CBFA2T3: variants seen among roughly 807,000 people sequenced by gnomAD.
The protein encoded by CBFA2T3 is CBFA2/RUNX1 partner transcriptional co-repressor 3.
A neutral mutation model predicts 58.6 loss-of-function variants in CBFA2T3; 31 were observed. The ratio of observed to expected loss-of-function variants is 0.53; its 90% CI spans 0.40 to 0.71. The LOEUF is 0.71. CBFA2T3 is among the 30% of genes least tolerant of loss of function. The probability of loss-of-function intolerance (pLI) is 0.00; values close to 1 mark genes in which losing one functional copy is unlikely to be tolerated. For missense variants in CBFA2T3, 1,076 were observed against 963.1 expected (o/e 1.12, Z -1.55); for synonymous variants, 531 against 421.9 (o/e 1.26, Z -3.17).
In CBFA2T3 at chr16:88,875,122, C is replaced by G. The variant is rs1968781468; in HGVS notation, c.*1854G>C. On this transcript the variant is annotated 3_prime_UTR_variant, in exon 12 of 12. Coordinates refer to ENST00000268679, the MANE Select transcript of CBFA2T3 (RefSeq NM_005187.6). ...CAGGCCACGGGCCACGCCACACACACAGATGCCAGGCCACGGGCCACGCCA... is the reference window on the plus strand; with the variant it reads ...CAGGCCACGGGCCACGCCACACACAGAGATGCCAGGCCACGGGCCACGCCA... The G allele has an allele frequency of 8.5e-6, 2 of 235,348 alleles. No homozygotes were observed. The highest frequency in any genetic ancestry group is 2.2e-5 in the African/African-American group (1 of 44,844). The allele number at this position is 235,348 out of a possible 1,614,324, so 14.6% of individuals were successfully genotyped here.
At chr16:88,878,810 G>A (rs1968942118) in intron 11 of CBFA2T3, among the ~76,000 whole-genome samples, 2 of 152,240 alleles carry the variant, frequency 1.3e-5, no homozygotes, top group Admixed American at 1.3e-4. Flanking sequence ...GCCAGGTGTG[G>A]TGGCGGGCGC....
intron 1 of CBFA2T3, among the ~76,000 whole-genome samples, chr16:88,963,326 T>C (rs888770935): frequency 2.0e-5 from 3 of 147,292 alleles, no homozygotes; most frequent in African/African-American, 7.4e-5. Flanking sequence ...CGGGCGCTCA[T>C]CTTCTGCCAG....
intron 1 of CBFA2T3, among the ~76,000 whole-genome samples, chr16:88,935,097 T>C (rs1189591034): frequency 1.3e-5 from 2 of 152,204 alleles, no homozygotes; most frequent in African/African-American, 2.4e-5. Flanking sequence ...CAAGCCTCCA[T>C]CAGGCACAGG....
chr16:88,918,053 G>A (rs749992602), intron 1 of CBFA2T3, among the ~76,000 whole-genome samples: 2 of 152,102 alleles, frequency 1.3e-5, no homozygotes, highest in African/African-American at 4.8e-5. Flanking sequence ...GGGGCTTCCC[G>A]CCACGTCCTG....
At chr16:88,947,900 C>T (rs998921862) in intron 1 of CBFA2T3, among the ~76,000 whole-genome samples, 3 of 152,090 alleles carry the variant, frequency 2.0e-5, no homozygotes, top group South Asian at 2.1e-4. Context: ...GGTGATGGAA[C>T]GAGACCCTGT....
chr16:88,973,724 T>C (rs958965113), intron 1 of CBFA2T3, among the ~76,000 whole-genome samples: 10 of 152,070 alleles, frequency 6.6e-5, no homozygotes, highest in Admixed American at 5.9e-4. Context: ...GAGTGAGTGG[T>C]GGCAAAGCCC....
At chr16:88,877,464 C>A (rs2142521914) in intron 11 of CBFA2T3, among the ~76,000 whole-genome samples, 189 bp from the exon 12 acceptor site, 1 of 152,338 alleles carries the variant, frequency 6.6e-6, no homozygotes, top group East Asian at 1.9e-4. Context: ...GGGACGGCAT[C>A]CCACTACCGT....
intron 1 of CBFA2T3, among the ~76,000 whole-genome samples, chr16:88,915,717 G>GAGGGGGAGCGTGGA (rs1465762415): frequency 1.8e-5 from 2 of 110,906 alleles, no homozygotes; most frequent in South Asian, 3.9e-4. Context: ...GGGGAGCGTG[G>GAGGGGGAGCGTGGA]AGGGGGAGCG....
At chr16:88,918,739 C>T (rs1345841597) in intron 1 of CBFA2T3, among the ~76,000 whole-genome samples, 1 of 152,236 alleles carries the variant, frequency 6.6e-6, no homozygotes, top group East Asian at 1.9e-4. Context: ...CCCAGAAGTT[C>T]CATGGCAGGT....
chr16:88,973,813 C>T (rs1040369996), intron 1 of CBFA2T3, among the ~76,000 whole-genome samples: 1 of 149,654 alleles, frequency 6.7e-6, no homozygotes. Flanking sequence ...CAGGTGGGCT[C>T]CAGCCAGGGC....
intron 1 of CBFA2T3, among the ~76,000 whole-genome samples, chr16:88,967,640 G>A (rs1972548207): frequency 6.6e-6 from 1 of 152,000 alleles, no homozygotes; most frequent in Non-Finnish European, 1.5e-5. Context: ...GAAGAGGGAA[G>A]GAAGGAGCAG....
intron 1 of CBFA2T3, among the ~76,000 whole-genome samples, chr16:88,925,926 AGAGG>A: frequency 6.6e-6 from 1 of 152,326 alleles, no homozygotes; most frequent in East Asian, 1.9e-4. Context: ...TTTTTAAAAG[AGAGG>A]CTGAGAAGGA....
In CBFA2T3 at chr16:88,877,125, C is replaced by A; in HGVS notation, c.1813G>T (p.Asp605Tyr). ...GCTTCGGGCGGTCCAGGCACCGGGT[C>A]GGCCACCACGGCTGTGGGGCCCTGC... Reference protein sequence around the residue: ...SLQGPTAVVADPVPGPPEAAH... With the variant: ...SLQGPTAVVAYPVPGPPEAAH... Residue 605 changes from aspartate to tyrosine, a missense_variant, in exon 12 of 12, where the codon GAC becomes TAC. By Grantham distance (160) the Asp-to-Tyr change is radical. Transcript: ENST00000268679. 1 of 1,548,404 alleles carries A rather than the reference C, an allele frequency of 6.5e-7. No individual in the cohort carries two copies. Among genetic ancestry groups the A allele is most frequent in the Non-Finnish European group, 8.7e-7 (1 of 1,146,576 alleles).
intron 11 of CBFA2T3, among the ~76,000 whole-genome samples, chr16:88,878,807 G>A (rs932767991): frequency 2.0e-5 from 3 of 152,220 alleles, no homozygotes; most frequent in African/African-American, 7.2e-5. Flanking sequence ...TTAGCCAGGT[G>A]TGGTGGCGGG....
chr16:88,888,751 A>T (rs1969502722), intron 5 of CBFA2T3, among the ~76,000 whole-genome samples: 1 of 151,698 alleles, frequency 6.6e-6, no homozygotes, highest in Non-Finnish European at 1.5e-5. Flanking sequence ...CTCCCCCTAG[A>T]AGCGCCATGT....
chr16:88,960,169 C>T (rs1386395574), intron 1 of CBFA2T3, among the ~76,000 whole-genome samples: 1 of 152,138 alleles, frequency 6.6e-6, no homozygotes, highest in Admixed American at 6.5e-5. Flanking sequence ...GTCTGCCCTC[C>T]CAGGACAGCC....
chr16:88,919,015 C>T (rs1415645330), intron 1 of CBFA2T3, among the ~76,000 whole-genome samples: 1 of 152,238 alleles, frequency 6.6e-6, no homozygotes, highest in African/African-American at 2.4e-5. Context: ...AATCAATGTA[C>T]TTTATGTTCT....
intron 1 of CBFA2T3, among the ~76,000 whole-genome samples, chr16:88,924,713 G>C (rs556352721): frequency 6.6e-6 from 1 of 152,356 alleles, no homozygotes; most frequent in South Asian, 2.1e-4. Flanking sequence ...CCCAGATGCA[G>C]ATGGTCTCAC....
At chr16:88,877,405 C>CA (rs766201562) in intron 11 of CBFA2T3, 130 bp from the exon 12 acceptor site, 22 of 729,126 alleles carry the variant, frequency 3.0e-5, no homozygotes, top group Non-Finnish European at 3.3e-5. Flanking sequence ...CAAAGCCCCA[C>CA]AGCCCTCGGG....
Sources: gnomAD v4.1 joint callset for allele counts (sites outside exome capture counted in the v4.1 genomes callset) on GRCh38, gnomAD v4.1.1 for gene constraint, MANE v1.5 for transcripts, NCBI Gene and HGNC (gene_info 2026-07-23, HGNC 2026-07-21) for gene names.